The following NCAPG2 variants were observed in gnomAD, a reference collection of about 807,000 sequenced individuals.
NCAPG2 encodes the protein non-SMC condensin II complex subunit G2, also known as condensin-2 complex subunit G2.
In NCAPG2, 53 loss-of-function variants were observed where a neutral mutation model predicts 141.1. That is an observed-to-expected ratio of 0.38 (90% confidence interval 0.30 to 0.47). NCAPG2 has a LOEUF of 0.47. Among genes scored for constraint, NCAPG2 ranks in the 20% least tolerant of loss-of-function variants. NCAPG2 has a pLI of 0.99. For synonymous variants in NCAPG2, 499 were observed against 490.7 expected (o/e 1.02, Z -0.22); for missense variants, 1,087 against 1,389.0 (o/e 0.78, Z 3.46).
intron 12 of NCAPG2, among the ~76,000 whole-genome samples, chr7:158,673,214 A>G (rs1406629360): frequency 6.6e-6 from 1 of 152,246 alleles, no homozygotes; most frequent in Non-Finnish European, 1.5e-5. Flanking sequence ...TCATCACTTC[A>G]AGGAGAAAGA....
chr7:158,676,027 A>G (rs1563554655), intron 11 of NCAPG2, among the ~76,000 whole-genome samples: 2 of 152,190 alleles, frequency 1.3e-5, no homozygotes, highest in South Asian at 2.1e-4. Flanking sequence ...AGCCCAGAAT[A>G]AAATAATTCT....
Position 158,658,417 on chromosome 7 carries a change from GAA to G in NCAPG2, c.1990-11_1990-10del. On this transcript the variant is annotated splice_polypyrimidine_tract_variant and intron_variant, in intron 16 of 27. Coordinates refer to ENST00000356309, the MANE Select transcript of NCAPG2 (RefSeq NM_017760.7). ...ATCTTGCAGCGATCATCCTAAAAGCGAAAAAAGAAAAACAAAACAAAGCATAT... is the reference window on the plus strand; with the variant it reads ...ATCTTGCAGCGATCATCCTAAAAGCGAAAAGAAAAACAAAACAAAGCATAT... The G allele has an allele frequency of 6.3e-7, 1 of 1,596,488 alleles. No individual in the cohort carries two copies. The highest frequency in any genetic ancestry group is 8.5e-7 in the Non-Finnish European group (1 of 1,170,958).
chr7:158,697,431 GTC>G (rs1445005028), intron 2 of NCAPG2, among the ~76,000 whole-genome samples: 1 of 152,146 alleles, frequency 6.6e-6, no homozygotes, highest in Non-Finnish European at 1.5e-5. Context: ...GCGAAACCCT[GTC>G]TCTACTAAAA....
At chr7:158,696,289 G>A (rs561041373) in intron 2 of NCAPG2, 3 of 152,252 alleles carry the variant, frequency 2.0e-5, no homozygotes, top group South Asian at 2.1e-4. Flanking sequence ...TGACAACCAC[G>A]GGCTCCGAGA....
chr7:158,663,523 T>C (rs1300118998), intron 15 of NCAPG2, among the ~76,000 whole-genome samples: 1 of 152,212 alleles, frequency 6.6e-6, no homozygotes, highest in Non-Finnish European at 1.5e-5. Context: ...GGGTGAGCCA[T>C]CTGCTGCCCC....
intron 2 of NCAPG2, among the ~76,000 whole-genome samples, chr7:158,700,425 G>C (rs1418386534): frequency 6.6e-6 from 1 of 152,154 alleles, no homozygotes; most frequent in African/African-American, 2.4e-5. Flanking sequence ...TTTTACCTCT[G>C]ATTTTCAATT....
intron 15 of NCAPG2, among the ~76,000 whole-genome samples, chr7:158,663,289 T>C (rs1440461639): frequency 6.6e-6 from 1 of 152,198 alleles, no homozygotes; most frequent in Non-Finnish European, 1.5e-5. Context: ...AGTGAGGGTG[T>C]AGTGAGCCCA....
chr7:158,687,241 T>C (rs1563569918), intron 7 of NCAPG2, 107 bp downstream of exon 7: 2 of 666,652 alleles, frequency 3.0e-6, no homozygotes, highest in East Asian at 2.8e-5. Context: ...AAATAACGTA[T>C]TTCTAAAGCT....
chr7:158,687,552 G>A (rs1308928651), intron 6 of NCAPG2, 110 bp from the exon 7 acceptor site: 4 of 754,924 alleles, frequency 5.3e-6, no homozygotes, highest in Admixed American at 5.6e-5. Context: ...TGCTAAAAAC[G>A]AGGCACATGT....
intron 12 of NCAPG2, among the ~76,000 whole-genome samples, chr7:158,674,266 G>A (rs1331476254): frequency 1.4e-5 from 2 of 146,724 alleles, no homozygotes; most frequent in Admixed American, 7.1e-5. Context: ...GGGAGAGGTT[G>A]AATATGCACA....
Position 158,644,296 on chromosome 7 carries a change from T to A in NCAPG2, c.3373A>T (p.Ile1125Phe), listed in dbSNP as rs777957458. The A allele has an allele frequency of 2.5e-6, 4 of 1,608,898 alleles. No individual in the cohort carries two copies. The African/African-American group carries it at 5.3e-5, about 22-fold the overall frequency. ...FMEITLEEDSIERFLYESSSR... is the reference protein window; with the variant it reads ...FMEITLEEDSFERFLYESSSR... ...TGAATATCTCTCCTTTACCTTTCAA[T>A]GCTATCCTCTTCCAAAGTAATTTCC... Residue 1125 changes from isoleucine to phenylalanine, a missense_variant, in exon 27 of 28, where the codon ATT becomes TTT. Coordinates refer to ENST00000356309, the MANE Select transcript of NCAPG2 (RefSeq NM_017760.7).
At chr7:158,653,102 C>G (rs984608740) in intron 22 of NCAPG2, among the ~76,000 whole-genome samples, 11 of 152,126 alleles carry the variant, frequency 7.2e-5, no homozygotes, top group African/African-American at 2.7e-4. Flanking sequence ...GGTATGGTGG[C>G]TCACGCCTGT....
chr7:158,664,173 G>C lies in NCAPG2; in HGVS notation c.1815+11C>G. The C allele has an allele frequency of 1.9e-6, 3 of 1,583,964 alleles. No individual in the cohort carries two copies. Among genetic ancestry groups the C allele is most frequent in the Non-Finnish European group, 2.6e-6 (3 of 1,152,550 alleles). On this transcript the variant is annotated intron_variant, in intron 15 of 27. Transcript: ENST00000356309. Reference sequence around the variant, plus strand: ...GGCACTATCTGCCCGGCCTGGCCCTGTTCTACTCACAGTCACATTCTCCTT... The same window carrying C: ...GGCACTATCTGCCCGGCCTGGCCCTCTTCTACTCACAGTCACATTCTCCTT...
At chr7:158,655,550 C>T (rs887131381) in intron 19 of NCAPG2, 95 bp from the exon 20 acceptor site, 65 of 1,104,582 alleles carry the variant, frequency 5.9e-5, no homozygotes, top group Non-Finnish European at 7.6e-5. Context: ...GATCCTCAGG[C>T]GAGCTGAAAA....
In NCAPG2 at chr7:158,645,516, A is replaced by T. The variant is rs746318760; in HGVS notation, c.3280+3T>A. 9 of 1,613,782 alleles carry T rather than the reference A, an allele frequency of 5.6e-6. No individual in the cohort carries two copies. The African/African-American group carries it at 6.7e-5, about 12-fold the overall frequency. ...CCAGATGACAGAGGGGAATGTAACC[A>T]ACCTGCATTAATAACCAGGATAATA... On this transcript the variant is annotated splice_donor_region_variant and intron_variant, in intron 26 of 27. Transcript: ENST00000356309.
Position 158,655,189 on chromosome 7 carries a change from A to C in NCAPG2, c.2575T>G (p.Leu859Val). The C allele has an allele frequency of 1.2e-6, 2 of 1,614,172 alleles. No homozygotes were observed. The highest frequency in any genetic ancestry group is 4.5e-5 in the East Asian group (2 of 44,876). Residue 859 changes from leucine (L) to valine (V), a missense_variant, in exon 21 of 28, where the codon TTA (leucine) becomes GTA (valine). Coordinates refer to ENST00000356309, the MANE Select transcript of NCAPG2 (RefSeq NM_017760.7). Reference sequence around the variant, plus strand: ...TCTTCTTGATCTTGAATAAAAGATAAAATTTTGCTTTCTAACCAAAAGCCA... The same window carrying C: ...TCTTCTTGATCTTGAATAAAAGATACAATTTTGCTTTCTAACCAAAAGCCA... ...DTGFWLESKI[L>V]SFIQDQEEDY... is the part of the protein sequence containing the mutation.
At chr7:158,644,753 C>T (rs1290757046) in intron 26 of NCAPG2, among the ~76,000 whole-genome samples, 6 of 152,194 alleles carry the variant, frequency 3.9e-5, no homozygotes, top group Admixed American at 3.3e-4. Flanking sequence ...CCATCCTCAA[C>T]ATCCTCCTGG....
intron 22 of NCAPG2, among the ~76,000 whole-genome samples, chr7:158,653,942 G>GT (rs1831701640): frequency 6.6e-6 from 1 of 151,980 alleles, no homozygotes; most frequent in African/African-American, 2.4e-5. Flanking sequence ...GGGTTAGGGA[G>GT]TAGGGGCTAG....
chr7:158,690,869 T>C, intron 4 of NCAPG2, 147 bp from the exon 5 acceptor site: 10 of 672,380 alleles, frequency 1.5e-5, no homozygotes, highest in Admixed American at 3.7e-5. Context: ...CAAAGATTTA[T>C]ATACATTAGT....
Sources: gnomAD v4.1 joint callset for allele counts (sites outside exome capture counted in the v4.1 genomes callset) on GRCh38, gnomAD v4.1.1 for gene constraint, MANE v1.5 for transcripts, NCBI Gene and HGNC (gene_info 2026-07-23, HGNC 2026-07-21) for gene names.